The following SCIN variants were observed in gnomAD, a reference collection of about 807,000 sequenced individuals.
SCIN encodes the protein adseverin.
Under a neutral mutation model 91.8 loss-of-function variants are expected in SCIN, and 91 were observed. That is an observed-to-expected ratio of 0.99 (90% CI 0.84 to 1.18). SCIN has a LOEUF of 1.18. SCIN is among the 50% of genes most tolerant of loss of function. The pLI is 0.00. For missense variants in SCIN, 1,087 were observed against 863.9 expected (o/e 1.26, Z -3.24); for synonymous variants, 367 against 312.6 (o/e 1.17, Z -1.84).
At chr7:12,627,122 G>T (rs1783543263) in intron 8 of SCIN, among the ~76,000 whole-genome samples, 1 of 151,162 alleles carries the variant, frequency 6.6e-6, no homozygotes, top group Non-Finnish European at 1.5e-5. Flanking sequence ...ACATAAATGT[G>T]TATATATACA....
chr7:12,611,854 G>C (rs757271942), intron 4 of SCIN, among the ~76,000 whole-genome samples: 1 of 151,844 alleles, frequency 6.6e-6, no homozygotes, highest in Admixed American at 6.6e-5. Context: ...CAAGGATGCT[G>C]TGAGCTATGA....
At chr7:12,600,062 G>T (rs945311166) in intron 3 of SCIN, among the ~76,000 whole-genome samples, 2 of 152,054 alleles carry the variant, frequency 1.3e-5, no homozygotes, top group African/African-American at 4.8e-5. Flanking sequence ...TTGCTTTTGG[G>T]TTCTTGGTCA....
chr7:12,623,086 A>G (rs1348820879), intron 5 of SCIN, among the ~76,000 whole-genome samples, 193 bp downstream of exon 5: 1 of 152,048 alleles, frequency 6.6e-6, no homozygotes, highest in African/African-American at 2.4e-5. Flanking sequence ...TGTTATTTTT[A>G]TGAAAAACAA....
In SCIN at chr7:12,578,176, T is replaced by C. The variant is rs1417624434; in HGVS notation, c.312T>C (p.Ser104=). ...VQNRELQGYE[S]NDFVSYFKGG... ...ATAGAGAACTTCAAGGATATGAGTCTAATGACTTTGTTAGCTATTTCAAAG... is the reference window on the plus strand; with the variant it reads ...ATAGAGAACTTCAAGGATATGAGTCCAATGACTTTGTTAGCTATTTCAAAG... The change falls in exon 2 of 16, where the codon TCT becomes TCC. Residue 104 remains serine (S), a synonymous_variant. Coordinates refer to ENST00000297029, the MANE Select transcript of SCIN (RefSeq NM_001112706.3). The C allele has an allele frequency of 6.5e-7, 1 of 1,550,100 alleles. No homozygotes were observed. Among genetic ancestry groups the C allele is most frequent in the African/African-American group, 1.4e-5 (1 of 72,918 alleles).
intron 1 of SCIN, 165 bp downstream of exon 1, chr7:12,571,150 A>G: frequency 1.4e-6 from 1 of 735,226 alleles, no homozygotes; most frequent in Middle Eastern, 4.0e-4. Flanking sequence ...CTCCCTACCG[A>G]AGTCAACTCG....
rs1783433296 is a variant in SCIN, at chr7:12,622,705, A to G, written c.667-96A>G. 1.1e-5 allele frequency: 9 copies of G among 852,204 alleles called. No homozygotes were observed. The South Asian group carries it at 1.4e-4, about 13-fold the overall frequency. 52.8% of individuals were successfully genotyped at this position (852,204 alleles called of 1,614,324 possible). On this transcript the variant is annotated intron_variant, in intron 4 of 15. Coordinates refer to ENST00000297029, the MANE Select transcript of SCIN (RefSeq NM_001112706.3). ...GAGCCTGGTCATTTTAATTGCAAAT[A>G]TTTTATAATCCATGTCTTTATAAGT...
At chr7:12,603,442 C>A (rs1365088227) in intron 3 of SCIN, among the ~76,000 whole-genome samples, 6 of 152,060 alleles carry the variant, frequency 3.9e-5, no homozygotes, top group Non-Finnish European at 1.5e-5. Flanking sequence ...CATGCCTGAC[C>A]TTAATTTTTT....
chr7:12,601,605 CT>C (rs753947521), intron 3 of SCIN, among the ~76,000 whole-genome samples: 1 of 152,104 alleles, frequency 6.6e-6, no homozygotes, highest in Non-Finnish European at 1.5e-5. Context: ...TTAATTATCT[CT>C]GTATCCCCAG....
chr7:12,574,060 A>T (rs554027853), intron 1 of SCIN, among the ~76,000 whole-genome samples: 2 of 152,168 alleles, frequency 1.3e-5, no homozygotes, highest in Non-Finnish European at 2.9e-5. Flanking sequence ...TATTCCAGAA[A>T]AATGAAGTTT....
chr7:12,619,106 A>G (rs75089976), intron 4 of SCIN, among the ~76,000 whole-genome samples: 2,108 of 152,228 alleles, frequency 0.014, 51 homozygotes, highest in African/African-American at 0.044. Flanking sequence ...CTGGGAGCAC[A>G]TAAGACCCTC....
intron 1 of SCIN, among the ~76,000 whole-genome samples, chr7:12,577,334 A>G (rs931077608): frequency 2.0e-5 from 3 of 152,318 alleles, no homozygotes; most frequent in African/African-American, 7.2e-5. Context: ...TCTGATGCTC[A>G]TATTTCTCAC....
chr7:12,651,215 T>C lies in SCIN; in HGVS notation c.1960-626T>C, dbSNP rs145581718. On this transcript the variant is annotated intron_variant, in intron 14 of 15. Coordinates refer to ENST00000297029, the MANE Select transcript of SCIN (RefSeq NM_001112706.3). This position sits in a 1 kb window ranked among gnomAD's most constrained non-coding sequence, Gnocchi z 5.9. ...AGAGAAGAGGCCTGGCTAGGAAAGA[T>C]GGTCTTGTTATGGATAAAACCTCAC... 2.6e-5 allele frequency among the ~76,000 whole-genome samples: 4 copies of C among 152,176 alleles called. No homozygotes were observed. The highest frequency in any genetic ancestry group is 9.7e-5 in the African/African-American group (4 of 41,440).
At chr7:12,636,164 C>A in intron 10 of SCIN, 29 bp downstream of exon 10, 1 of 1,552,754 alleles carries the variant, frequency 6.4e-7, no homozygotes. Context: ...CCAAAACTCA[C>A]ACAAGTTAAA....
chr7:12,643,636 A>G (rs1783898398), intron 11 of SCIN, among the ~76,000 whole-genome samples: 2 of 152,088 alleles, frequency 1.3e-5, no homozygotes, highest in African/African-American at 4.8e-5. Context: ...TCAACTCTCC[A>G]CATCATGGCT....
intron 4 of SCIN, among the ~76,000 whole-genome samples, chr7:12,616,115 A>C (rs562442549): frequency 1.8e-4 from 27 of 152,176 alleles, no homozygotes; most frequent in African/African-American, 6.5e-4. Flanking sequence ...TTAGTTTTTT[A>C]TCCAACTTAG....
At chr7:12,624,220 G>T (rs1207149054) in intron 5 of SCIN, among the ~76,000 whole-genome samples, 1 of 152,110 alleles carries the variant, frequency 6.6e-6, no homozygotes, top group Non-Finnish European at 1.5e-5. Context: ...CTCCACCCTG[G>T]TCCTGCAAAA....
rs1452281708 is a variant in SCIN, at chr7:12,658,762, T to A, written c.*6047T>A. ...AAGGTATTAATATACATCCTATCATTTATTTTAGATACAGATAGCATTAGA... is the reference window on the plus strand; with the variant it reads ...AAGGTATTAATATACATCCTATCATATATTTTAGATACAGATAGCATTAGA... On this transcript the variant is annotated 3_prime_UTR_variant, in exon 16 of 16. Coordinates refer to ENST00000297029, the MANE Select transcript of SCIN (RefSeq NM_001112706.3). The A allele has an allele frequency of 6.6e-6, 1 of 152,164 alleles. No individual in the cohort carries two copies. Among genetic ancestry groups the A allele is most frequent in the Non-Finnish European group, 1.5e-5 (1 of 68,030 alleles). The allele number at this position is 152,164 out of a possible 1,614,324, so 9.4% of individuals were successfully genotyped here. A position where few individuals can be genotyped will look rare whatever the true frequency, so the allele number is the denominator to read the frequency against.
At chr7:12,609,031 A>T (rs576436831) in intron 4 of SCIN, among the ~76,000 whole-genome samples, 1 of 152,140 alleles carries the variant, frequency 6.6e-6, no homozygotes, top group African/African-American at 2.4e-5. Context: ...CTTTAGTTTG[A>T]AGTATTTCAG....
chr7:12,602,734 C>T (rs569741477), intron 3 of SCIN, among the ~76,000 whole-genome samples: 133 of 152,314 alleles, frequency 8.7e-4, no homozygotes, highest in Non-Finnish European at 1.5e-3. Context: ...CCCGACCCTG[C>T]AGGCAGTCAG....
Sources: allele counts gnomAD v4.1 joint callset (sites outside exome capture counted in the v4.1 genomes callset), GRCh38; gene constraint gnomAD v4.1.1; non-coding constraint Gnocchi (gnomAD v3.1); transcripts MANE v1.5; gene names NCBI Gene and HGNC (gene_info 2026-07-23, HGNC 2026-07-21).